Variants in PLXDC2 observed in about 807,000 individuals in gnomAD.
PLXDC2 encodes plexin domain-containing protein 2.
A neutral mutation model predicts 68.9 loss-of-function variants in PLXDC2; 40 were observed. The observed-to-expected ratio is 0.58, with a 90% confidence interval of 0.45 to 0.76. The LOEUF (loss-of-function observed/expected upper bound fraction) is 0.76, where lower values mean the gene tolerates loss of function less well. Among genes scored for constraint, PLXDC2 ranks in the 30% least tolerant of loss-of-function variants. The pLI, the probability that PLXDC2 is intolerant of heterozygous loss-of-function variation, is 0.00. For synonymous variants in PLXDC2, 243 were observed against 234.2 expected (o/e 1.04, Z -0.34); for missense variants, 644 against 661.9 (o/e 0.97, Z 0.30).
At chr10:19,964,294 G>A (rs1243051227) in intron 1 of PLXDC2, among the ~76,000 whole-genome samples, 1 of 152,168 alleles carries the variant, frequency 6.6e-6, no homozygotes, top group Admixed American at 6.5e-5. Flanking sequence ...TCTTTTGTCG[G>A]TTGGTTGGTT....
intron 1 of PLXDC2, among the ~76,000 whole-genome samples, chr10:19,979,925 T>A (rs559628029): frequency 2.6e-5 from 4 of 152,356 alleles, no homozygotes; most frequent in African/African-American, 9.6e-5. Context: ...TTCATTTTCC[T>A]AATTGAATGT....
intron 4 of PLXDC2, among the ~76,000 whole-genome samples, chr10:20,086,348 T>C (rs1365241610): frequency 1.4e-5 from 2 of 147,488 alleles, no homozygotes; most frequent in Non-Finnish European, 3.0e-5. Context: ...TTATTTTATT[T>C]TATTTATTTT....
chr10:20,216,818 A>G (rs988030074), intron 10 of PLXDC2, among the ~76,000 whole-genome samples: 12 of 147,634 alleles, frequency 8.1e-5, no homozygotes, highest in Non-Finnish European at 7.4e-5. Context: ...TGTTTTCAAT[A>G]TAGCTCTGCT....
chr10:20,071,778 CT>C lies in PLXDC2; in HGVS notation c.541+3541del, dbSNP rs145180772. ...GAGCTTGCTGAAAAAGGAGATCATGCTTGTTGGGCCAGTCAATTAAGAAGAG... is the reference window on the plus strand; with the variant it reads ...GAGCTTGCTGAAAAAGGAGATCATGCTGTTGGGCCAGTCAATTAAGAAGAG... On this transcript the variant is annotated intron_variant, in intron 4 of 13. Coordinates refer to ENST00000377252, the MANE Select transcript of PLXDC2 (RefSeq NM_032812.9). Among the ~76,000 whole-genome samples, 393 of 152,244 alleles carry C rather than the reference CT, an allele frequency of 2.6e-3. 7 individuals carry two copies. Among genetic ancestry groups the C allele is most frequent in the East Asian group, 0.013 (69 of 5,180 alleles).
intron 4 of PLXDC2, among the ~76,000 whole-genome samples, chr10:20,085,202 T>G (rs561614026): frequency 5.5e-5 from 4 of 73,188 alleles, no homozygotes; most frequent in Non-Finnish European, 8.7e-5. Flanking sequence ...TGATTTAGGT[T>G]TTTTGTTAAA....
In PLXDC2 at chr10:20,271,309, A is replaced by G. The variant is rs972722655; in HGVS notation, c.1474-8394A>G. Among the ~76,000 whole-genome samples, 37 of 152,278 alleles carry G rather than the reference A, an allele frequency of 2.4e-4. No homozygotes were observed. In the East Asian group the frequency reaches 7.1e-3, roughly 29 times the overall value. On this transcript the variant is annotated intron_variant, in intron 13 of 13. Transcript: ENST00000377252. Reference sequence around the variant, plus strand: ...AGCTAAGTCATTGATAACCTTAGAGAATGCAGTTTTAAAGCGGGGAGCAGG... The same window carrying G: ...AGCTAAGTCATTGATAACCTTAGAGGATGCAGTTTTAAAGCGGGGAGCAGG...
At chr10:20,276,150 C>T (rs1255858936) in intron 13 of PLXDC2, among the ~76,000 whole-genome samples, 1 of 152,110 alleles carries the variant, frequency 6.6e-6, no homozygotes, top group Non-Finnish European at 1.5e-5. Context: ...TTATGTACCA[C>T]AGGTGTTTTC....
rs530183068 is a variant in PLXDC2 at position 19,834,388 on chromosome 10, CAG to C, written c.112+17198_112+17199del. ...GTGTCTGTGTGTGTCTGTGAAGAGA[CAG>C]GGGTTAACAAAGGCAAAGGGACAGA... On this transcript the variant is annotated intron_variant, in intron 1 of 13. Transcript: ENST00000377252. 6.0e-5 allele frequency among the ~76,000 whole-genome samples: 9 copies of C among 151,030 alleles called. No homozygotes were observed. The East Asian group carries it at 7.9e-4, about 13-fold the overall frequency.
chr10:20,104,852 ACCATCCTG>A (rs1319996520), intron 4 of PLXDC2, among the ~76,000 whole-genome samples: 1 of 152,024 alleles, frequency 6.6e-6, no homozygotes, highest in Non-Finnish European at 1.5e-5. Context: ...GGAGATCGAG[ACCATCCTG>A]GCCAATATGG....
intron 1 of PLXDC2, among the ~76,000 whole-genome samples, chr10:19,986,565 ACAT>A (rs1834644714): frequency 1.9e-5 from 1 of 51,746 alleles, no homozygotes; most frequent in Non-Finnish European, 5.8e-5. Context: ...AAAGAAAAAG[ACAT>A]ACAAAAAGAA....
intron 1 of PLXDC2, among the ~76,000 whole-genome samples, chr10:19,955,074 A>AT (rs750051734): frequency 0.098 from 9,777 of 99,262 alleles, 1,106 homozygotes; most frequent in African/African-American, 0.26. Flanking sequence ...CCTTTCACTG[A>AT]TTTTTTTTTT....
rs56921191 is a variant in PLXDC2 at position 19,890,676 on chromosome 10, CTTTTTTTTTTTTTT to C, written c.112+73501_112+73514del. On this transcript the variant is annotated intron_variant, in intron 1 of 13. Coordinates refer to ENST00000377252, the MANE Select transcript of PLXDC2 (RefSeq NM_032812.9). ...AGGCGTGAGCCACCGCGCCCGGCTG[CTTTTTTTTTTTTTT>C]TTTTTTTTTTTTTTTAAATCAAGAA... Among the ~76,000 whole-genome samples the C allele has an allele frequency of 5.7e-4, 35 of 61,146 alleles. No individual in the cohort carries two copies. The South Asian group carries it at 0.025, about 44-fold the overall frequency. The allele number at this position is 61,146 out of a possible 152,430, so 40.1% of individuals were successfully genotyped here. A position where few individuals can be genotyped will look rare whatever the true frequency, so the allele number is the denominator to read the frequency against.
intron 2 of PLXDC2, among the ~76,000 whole-genome samples, chr10:20,038,022 A>T (rs1205685480): frequency 6.6e-6 from 1 of 152,120 alleles, no homozygotes; most frequent in Non-Finnish European, 1.5e-5. Context: ...AGGCGGGCGG[A>T]TGACGAGGTC....
intron 4 of PLXDC2, among the ~76,000 whole-genome samples, chr10:20,142,388 A>C (rs12355163): frequency 1.3e-5 from 2 of 151,938 alleles, no homozygotes; most frequent in Non-Finnish European, 2.9e-5. Context: ...TCTTAGATTA[A>C]TATTAAAATT....
intron 1 of PLXDC2, among the ~76,000 whole-genome samples, chr10:19,963,377 T>A (rs1449082800): frequency 6.6e-6 from 1 of 152,236 alleles, no homozygotes; most frequent in Non-Finnish European, 1.5e-5. Flanking sequence ...ACCAAGCTTC[T>A]GTTTGTTTTC....
At chr10:20,209,529 T>C (rs1219969327) in intron 9 of PLXDC2, among the ~76,000 whole-genome samples, 1 of 150,580 alleles carries the variant, frequency 6.6e-6, no homozygotes, top group Non-Finnish European at 1.5e-5. Context: ...AGTATAATAA[T>C]AAAAAAAAAG....
intron 4 of PLXDC2, among the ~76,000 whole-genome samples, chr10:20,134,183 C>G (rs1244263517): frequency 1.3e-5 from 2 of 152,094 alleles, no homozygotes; most frequent in Non-Finnish European, 2.9e-5. Context: ...TAATTATTTT[C>G]AATTCTTTGT....
intron 4 of PLXDC2, among the ~76,000 whole-genome samples, chr10:20,110,957 A>G (rs1264093036): frequency 6.6e-6 from 1 of 152,062 alleles, no homozygotes; most frequent in Non-Finnish European, 1.5e-5. Flanking sequence ...CACCTCTGAC[A>G]CCTATTGGGC....
intron 4 of PLXDC2, among the ~76,000 whole-genome samples, chr10:20,140,780 T>C (rs1833996375): frequency 6.6e-6 from 1 of 152,102 alleles, no homozygotes; most frequent in African/African-American, 2.4e-5. Flanking sequence ...TAACTTTCAA[T>C]ATGACCAAGA....
Sources: gnomAD v4.1 joint callset for allele counts (sites outside exome capture counted in the v4.1 genomes callset) on GRCh38, gnomAD v4.1.1 for gene constraint, MANE v1.5 for transcripts, NCBI Gene and HGNC (gene_info 2026-07-23, HGNC 2026-07-21) for gene names.